DPP6: variants seen among roughly 807,000 people sequenced by gnomAD.
The protein encoded by DPP6 is dipeptidyl peptidase like 6.
DPP6 carries 69 observed loss-of-function variants against 122.6 expected under a neutral mutation model. The observed-to-expected ratio is 0.56, with a 90% CI of 0.46 to 0.69. DPP6 has a LOEUF of 0.69. Among genes scored for constraint, DPP6 ranks in the 30% least tolerant of loss-of-function variants. The pLI is 0.00. For synonymous variants in DPP6, 418 were observed against 433.1 expected (o/e 0.97, Z 0.43); for missense variants, 928 against 1,116.9 (o/e 0.83, Z 2.41).
At chr7:153,866,831 G>A in the DPP6 span, among the ~76,000 whole-genome samples, 1 of 152,068 alleles carries the variant, frequency 6.6e-6, no homozygotes, top group Non-Finnish European at 1.5e-5. Context: ...TTTGTATAAG[G>A]TGTAAGGAAG....
chr7:153,970,426 A>G (rs1795966489), intron 1 of DPP6, among the ~76,000 whole-genome samples: 1 of 152,164 alleles, frequency 6.6e-6, no homozygotes, highest in African/African-American at 2.4e-5. Context: ...GCTTATTCCA[A>G]TATGTGGCTT....
At chr7:154,194,817 T>C (rs989535266) in intron 1 of DPP6, among the ~76,000 whole-genome samples, 1 of 152,246 alleles carries the variant, frequency 6.6e-6, no homozygotes, top group Admixed American at 6.5e-5. Context: ...AGTTGTATAA[T>C]TGGATTTTGT....
At chr7:154,331,646 G>A (rs773807008) in intron 1 of DPP6, among the ~76,000 whole-genome samples, 2 of 152,182 alleles carry the variant, frequency 1.3e-5, no homozygotes, top group Non-Finnish European at 2.9e-5. Flanking sequence ...ACGTGTGTGA[G>A]CTCTACCATC....
rs78027580 is a variant in DPP6, at chr7:154,426,261, T to A, written c.244-19953T>A. Among the ~76,000 whole-genome samples, 1,159 of 152,322 alleles carry A rather than the reference T, an allele frequency of 7.6e-3. 52 individuals are homozygous for A. The highest frequency in any genetic ancestry group is 0.059 in the Admixed American group (897 of 15,294). Reference sequence around the variant, plus strand: ...GGTACAATAAAAATATATTTAAGAATTTAACATTTTGGCTTTTTATTGTAG... The same window carrying A: ...GGTACAATAAAAATATATTTAAGAAATTAACATTTTGGCTTTTTATTGTAG... On this transcript the variant is annotated intron_variant, in intron 1 of 25. Transcript: ENST00000377770.
At position 154,760,712 on chromosome 7, in the gene DPP6, A is replaced by C. The variant is rs1164262070; in HGVS notation, c.884-8705A>C. 1.3e-5 allele frequency among the ~76,000 whole-genome samples: 2 copies of C among 152,178 alleles called. No homozygotes were observed. Among genetic ancestry groups the C allele is most frequent in the African/African-American group, 4.8e-5 (2 of 41,432 alleles). On this transcript the variant is annotated intron_variant, in intron 8 of 25. Coordinates refer to ENST00000377770, the MANE Select transcript of DPP6 (RefSeq NM_130797.4). This position sits in a 1 kb window ranked among gnomAD's most constrained non-coding sequence, Gnocchi z 4.5. ...GTGAGGCAGGTGAGCAGAAGACATCAGGCCCAGAAGTTCTGGAAGCTCCCT... is the reference window on the plus strand; with the variant it reads ...GTGAGGCAGGTGAGCAGAAGACATCCGGCCCAGAAGTTCTGGAAGCTCCCT...
At chr7:154,220,885 C>G (rs557893327) in intron 1 of DPP6, among the ~76,000 whole-genome samples, 1 of 152,252 alleles carries the variant, frequency 6.6e-6, no homozygotes, top group East Asian at 1.9e-4. Flanking sequence ...TTCTGGAGTT[C>G]CAGGGGCCCT....
the DPP6 span, among the ~76,000 whole-genome samples, chr7:153,824,000 G>C: frequency 2.6e-5 from 4 of 152,138 alleles, no homozygotes; most frequent in Non-Finnish European, 2.9e-5. Flanking sequence ...AACAAAATGT[G>C]TTTCAGGAGA....
intron 3 of DPP6, among the ~76,000 whole-genome samples, chr7:154,492,866 G>A (rs1199433302): frequency 2.0e-5 from 3 of 152,136 alleles, no homozygotes; most frequent in Non-Finnish European, 4.4e-5. Context: ...TTGTTCTGAA[G>A]ATCAGCAGTA....
intron 7 of DPP6, among the ~76,000 whole-genome samples, chr7:154,716,388 C>T (rs754221947): frequency 1.3e-5 from 2 of 152,174 alleles, no homozygotes; most frequent in Admixed American, 6.5e-5. Flanking sequence ...TTACCACCTA[C>T]TTGTAGTCCC....
chr7:154,660,109 A>C (rs893541195), intron 6 of DPP6, among the ~76,000 whole-genome samples: 2 of 152,224 alleles, frequency 1.3e-5, no homozygotes, highest in African/African-American at 4.8e-5. Context: ...TTATGGAAGA[A>C]GTAAAGGACT....
intron 1 of DPP6, among the ~76,000 whole-genome samples, chr7:154,326,775 A>T (rs1047147418): frequency 6.6e-6 from 1 of 152,230 alleles, no homozygotes; most frequent in Non-Finnish European, 1.5e-5. Context: ...ATGCTAATTC[A>T]TATCCTTTCT....
chr7:154,883,449 T>G (rs1805638458), intron 21 of DPP6: 2 of 117,290 alleles, frequency 1.7e-5, no homozygotes, highest in Non-Finnish European at 3.5e-5. Context: ...TTCACACACA[T>G]GCTCACCCAT....
intron 1 of DPP6, among the ~76,000 whole-genome samples, chr7:153,955,694 C>T (rs1802427447): frequency 6.6e-6 from 1 of 152,178 alleles, no homozygotes; most frequent in Admixed American, 6.5e-5. Context: ...CCACCTCGGC[C>T]TCCAAAAGTG....
intron 1 of DPP6, among the ~76,000 whole-genome samples, chr7:154,368,519 C>T (rs919965535): frequency 5.9e-5 from 9 of 152,202 alleles, no homozygotes; most frequent in Admixed American, 3.9e-4. Context: ...AATTTTGCCA[C>T]GAAACATCTC....
rs375700948 is a variant in DPP6, at chr7:154,284,999, G to T, written c.244-161215G>T. On this transcript the variant is annotated intron_variant, in intron 1 of 25. Transcript: ENST00000377770. Reference sequence around the variant, plus strand: ...GAAAATAGATTAGAGGTTACCAGAGGCCAGAGGGAGGAGAAATAGACATGT... The same window carrying T: ...GAAAATAGATTAGAGGTTACCAGAGTCCAGAGGGAGGAGAAATAGACATGT... 9.9e-5 allele frequency among the ~76,000 whole-genome samples: 15 copies of T among 152,278 alleles called. No homozygotes were observed. In the South Asian group the frequency reaches 3.1e-3, roughly 32 times the overall value.
intron 16 of DPP6, among the ~76,000 whole-genome samples, chr7:154,831,410 AG>A (rs1219304378): frequency 6.6e-6 from 1 of 152,212 alleles, no homozygotes; most frequent in Non-Finnish European, 1.5e-5. Context: ...AAATTTAAAA[AG>A]GGGAAAAAAA....
At chr7:154,726,998 T>C (rs1441036015) in intron 7 of DPP6, among the ~76,000 whole-genome samples, 1 of 152,232 alleles carries the variant, frequency 6.6e-6, no homozygotes, top group Non-Finnish European at 1.5e-5. Context: ...CTCATCTCTC[T>C]GTCTTCTGAG....
chr7:153,993,943 G>C (rs570611380), intron 1 of DPP6, among the ~76,000 whole-genome samples: 11 of 152,296 alleles, frequency 7.2e-5, no homozygotes, highest in African/African-American at 2.6e-4. Context: ...TTGGTTAAGT[G>C]TGTTGCCTGA....
intron 1 of DPP6, among the ~76,000 whole-genome samples, chr7:154,295,430 C>T (rs889795110): frequency 6.6e-6 from 1 of 152,114 alleles, no homozygotes; most frequent in African/African-American, 2.4e-5. Flanking sequence ...TCTGTAAATT[C>T]CCTCCTAGGA....
Sources: gnomAD v4.1 joint callset for allele counts (sites outside exome capture counted in the v4.1 genomes callset) on GRCh38, gnomAD v4.1.1 for gene constraint, Gnocchi (gnomAD v3.1) non-coding constraint, MANE v1.5 for transcripts, NCBI Gene and HGNC (gene_info 2026-07-23, HGNC 2026-07-21) for gene names.